The following NFX1 variants were observed in gnomAD, a reference collection of about 807,000 sequenced individuals.
NFX1 encodes the protein transcriptional repressor NF-X1.
Under a neutral mutation model 137.2 loss-of-function variants are expected in NFX1, and 69 were observed. The observed-to-expected ratio is 0.50, with a 90% confidence interval of 0.41 to 0.61. The LOEUF (loss-of-function observed/expected upper bound fraction) is 0.61. Among genes scored for constraint, NFX1 ranks in the 20% least tolerant of loss-of-function variants. The pLI, the probability that NFX1 is intolerant of heterozygous loss-of-function variation, is 0.00. For synonymous variants in NFX1, 495 were observed against 474.1 expected, an observed-to-expected ratio of 1.04 and a Z score of -0.57; for missense variants, 1,167 against 1,391.0, an observed-to-expected ratio of 0.84 and a Z score of 2.56.
Position 33,301,380 on chromosome 9 carries a change from A to G in NFX1, c.1151A>G (p.Asn384Ser). 1 of 1,614,132 alleles carries G rather than the reference A, an allele frequency of 6.2e-7. No homozygotes were observed. The highest frequency in any genetic ancestry group is 8.5e-7 in the Non-Finnish European group (1 of 1,180,014). ...AGCTGTTACCATGTGTTTCATTTGA[A>G]CTGCATAAAGAAATGGGCAAGGTCT... Reference protein sequence around the residue: ...CQSCYHVFHLNCIKKWARSPA... With the variant: ...CQSCYHVFHLSCIKKWARSPA... Residue 384 changes from asparagine to serine, a missense_variant, in exon 3 of 24, where the codon AAC (asparagine) becomes AGC (serine). Physicochemically the swap from Asn to Ser is conservative, Grantham distance 46. Coordinates refer to ENST00000379540, the MANE Select transcript of NFX1 (RefSeq NM_002504.6).
intron 18 of NFX1, 37 bp from the exon 19 acceptor site, chr9:33,354,814 T>C (rs1447950398): frequency 6.3e-7 from 1 of 1,595,234 alleles, no homozygotes; most frequent in Non-Finnish European, 8.6e-7. Context: ...GTACAGTCTG[T>C]ATTCTGACTT....
chr9:33,313,568 G>T, intron 6 of NFX1, 86 bp from the exon 7 acceptor site: 1 of 1,346,296 alleles, frequency 7.4e-7, no homozygotes. Flanking sequence ...GGGTTTTGAG[G>T]GGAGAGTTAG....
intron 2 of NFX1, among the ~76,000 whole-genome samples, chr9:33,297,360 C>T (rs1044888564): frequency 4.6e-5 from 7 of 152,202 alleles, no homozygotes; most frequent in African/African-American, 1.7e-4. Flanking sequence ...CAGGATTATT[C>T]TTGGAACCTC....
At chr9:33,292,883 C>T (rs538763675) in intron 1 of NFX1, among the ~76,000 whole-genome samples, 43 of 152,320 alleles carry the variant, frequency 2.8e-4, no homozygotes, top group Non-Finnish European at 5.7e-4. Flanking sequence ...CCCACTGGTC[C>T]AATTTAACCA....
chr9:33,341,855 G>C (rs1215780046), intron 12 of NFX1, among the ~76,000 whole-genome samples: 1 of 152,182 alleles, frequency 6.6e-6, no homozygotes, highest in African/African-American at 2.4e-5. Flanking sequence ...GGTGGCTCAT[G>C]CCTGTAATCC....
chr9:33,322,672 C>T (rs1822430416), intron 9 of NFX1, among the ~76,000 whole-genome samples: 2 of 152,130 alleles, frequency 1.3e-5, no homozygotes, highest in South Asian at 4.1e-4. Context: ...GCCAAGAAGG[C>T]AAGAGGCTAC....
At position 33,337,650 on chromosome 9, in the gene NFX1, G is replaced by A. The variant is rs139580602; in HGVS notation, c.2036-860G>A. ...AGGCCAAGATGGGAGGCTCATTTGA[G>A]TGCAGGAATTCGAGGTTACAGTGAG... On this transcript the variant is annotated intron_variant, in intron 11 of 23. Coordinates refer to ENST00000379540, the MANE Select transcript of NFX1 (RefSeq NM_002504.6). Among the ~76,000 whole-genome samples the A allele has an allele frequency of 1.0e-2, 1,519 of 152,306 alleles. 18 individuals carry two copies. The highest frequency in any genetic ancestry group is 0.015 in the Admixed American group (233 of 15,300).
intron 14 of NFX1, among the ~76,000 whole-genome samples, chr9:33,346,809 T>C (rs1823436879): frequency 6.6e-6 from 1 of 152,198 alleles, no homozygotes. Flanking sequence ...CTGCTTCTGT[T>C]TTGGCATGTC....
In NFX1 at chr9:33,369,935, T is replaced by C. The variant is rs1824278778; in HGVS notation, c.3320T>C (p.Ile1107Thr). Residue 1107 changes from isoleucine (I) to threonine (T), a missense_variant, in exon 24 of 24, where the codon ATA becomes ACA. Transcript: ENST00000379540. ...KNPGSSNLQK[I>T]TKEPIIDYFD... ...CCTGGGAGCAGTAATTTACAGAAAA[T>C]AACCAAGGAGCCAATAATTGACTAT... The C allele has an allele frequency of 6.2e-7, 1 of 1,613,470 alleles. No homozygotes were observed. The highest frequency in any genetic ancestry group is 8.5e-7 in the Non-Finnish European group (1 of 1,179,634).
Position 33,313,658 on chromosome 9 carries a change from A to G in NFX1, c.1453A>G (p.Thr485Ala). ...KTCECGRTRH[T>A]VRCGQAVSVH... ...TTACATCTATTGTCTTTACAGGCACACAGTTCGCTGTGGTCAGGCTGTCTC... is the reference window on the plus strand; with the variant it reads ...TTACATCTATTGTCTTTACAGGCACGCAGTTCGCTGTGGTCAGGCTGTCTC... Residue 485 changes from threonine (T) to alanine (A), a missense_variant, in exon 7 of 24, where the codon ACA becomes GCA. By Grantham distance (58) the Thr-to-Ala change is moderately conservative. Around this residue, in one of 3 missense-constraint regions of NFX1, gnomAD observed 488 missense variants for 691.5 expected, o/e 0.71. Coordinates refer to ENST00000379540, the MANE Select transcript of NFX1 (RefSeq NM_002504.6). 1.2e-6 allele frequency: 2 copies of G among 1,614,100 alleles called. No homozygotes were observed. The highest frequency in any genetic ancestry group is 8.5e-7 in the Non-Finnish European group (1 of 1,179,958).
chr9:33,363,507 C>T (rs1044232644), intron 19 of NFX1, among the ~76,000 whole-genome samples: 1 of 152,064 alleles, frequency 6.6e-6, no homozygotes, highest in Admixed American at 6.6e-5. Context: ...TGGTCTCGAA[C>T]TCCTGGCCTC....
In NFX1 at chr9:33,366,691, C is replaced by G; in HGVS notation, c.3102C>G (p.Ile1034Met). ...TGAACAGAGACCACCGCCGGATCAT[C>G]CATGACTTGGCCCAAGTTTATGGCC... Reference protein sequence around the residue: ...PPMNRDHRRIIHDLAQVYGLE... With the variant: ...PPMNRDHRRIMHDLAQVYGLE... The change falls in exon 22 of 24, where the codon ATC (isoleucine) becomes ATG (methionine). Residue 1034 changes from isoleucine (I) to methionine (M), a missense_variant. Ile to Met is a conservative substitution (Grantham distance 10). Around this residue, in one of 3 missense-constraint regions of NFX1, gnomAD observed 312 missense variants for 312.8 expected, o/e 1.00. Coordinates refer to ENST00000379540, the MANE Select transcript of NFX1 (RefSeq NM_002504.6). 1 of 1,614,248 alleles carries G rather than the reference C, an allele frequency of 6.2e-7. No homozygotes were observed. The highest frequency in any genetic ancestry group is 1.6e-4 in the Middle Eastern group (1 of 6,062).
chr9:33,293,975 T>C (rs769022835), intron 1 of NFX1, among the ~76,000 whole-genome samples: 43 of 152,262 alleles, frequency 2.8e-4, no homozygotes, highest in Admixed American at 5.9e-4. Flanking sequence ...GTTCATACAA[T>C]AAGTTGGACA....
chr9:33,346,462 A>G (rs931261150), intron 14 of NFX1, among the ~76,000 whole-genome samples: 1 of 152,228 alleles, frequency 6.6e-6, no homozygotes, highest in East Asian at 1.9e-4. Flanking sequence ...TTCAATACAC[A>G]TGATACAACC....
chr9:33,302,385 A>G (rs1459379590), intron 3 of NFX1, among the ~76,000 whole-genome samples: 2 of 127,344 alleles, frequency 1.6e-5, no homozygotes, highest in African/African-American at 6.0e-5. Context: ...TTTTTGAGAC[A>G]GAGTCTTACT....
At chr9:33,331,103 T>A (rs1472880424) in intron 10 of NFX1, among the ~76,000 whole-genome samples, 2 of 152,042 alleles carry the variant, frequency 1.3e-5, no homozygotes, top group African/African-American at 4.8e-5. Context: ...GAAGTGGAGC[T>A]TGCAGTGAAC....
intron 12 of NFX1, among the ~76,000 whole-genome samples, chr9:33,342,205 ACC>A (rs35854489): frequency 0.83 from 125,820 of 151,674 alleles, 52,309 homozygotes; most frequent in Non-Finnish European, 0.84. Context: ...CATGCCTGTA[ACC>A]CCCCAGCACT....
intron 2 of NFX1, 97 bp from the exon 3 acceptor site, chr9:33,301,166 C>A: frequency 8.9e-7 from 1 of 1,127,950 alleles, no homozygotes; most frequent in Non-Finnish European, 1.3e-6. Context: ...TGTTTGGATT[C>A]TTCTCTTGAG....
At chr9:33,365,965 C>T (rs2118702559) in intron 21 of NFX1, 1 of 152,298 alleles carries the variant, frequency 6.6e-6, no homozygotes, top group East Asian at 1.9e-4. Flanking sequence ...AGTCAGAAGC[C>T]CCCAGCGCTG....
Sources: gnomAD v4.1 joint callset for allele counts (sites outside exome capture counted in the v4.1 genomes callset) on GRCh38, gnomAD v4.1.1 for gene constraint, gnomAD v4.1.1 regional missense constraint, MANE v1.5 for transcripts, NCBI Gene and HGNC (gene_info 2026-07-23, HGNC 2026-07-21) for gene names.